Variants in SMAD6 observed in about 807,000 individuals in gnomAD.
SMAD6 encodes the protein MAD homolog 6.
In SMAD6, 103 loss-of-function variants were observed where a neutral mutation model predicts 39.4. The ratio of observed to expected loss-of-function variants is 2.62; its 90% CI spans 2.23 to 3.08. The LOEUF is 3.08. SMAD6 is among the 30% of genes most tolerant of loss of function. The probability of loss-of-function intolerance (pLI) is 0.00; values close to 1 mark genes in which losing one functional copy is unlikely to be tolerated. For synonymous variants in SMAD6, 445 were observed against 353.3 expected (o/e 1.26, Z -2.91); for missense variants, 1,104 against 742.9 (o/e 1.49, Z -5.65).
intron 2 of SMAD6, among the ~76,000 whole-genome samples, chr15:66,713,542 T>A (rs906213525): frequency 7.2e-5 from 11 of 152,202 alleles, no homozygotes; most frequent in Admixed American, 3.9e-4. Flanking sequence ...CTGGTCTCGA[T>A]CTCCTGACCT....
intron 3 of SMAD6, among the ~76,000 whole-genome samples, chr15:66,758,368 C>G (rs1894139643): frequency 1.3e-5 from 2 of 152,130 alleles, no homozygotes; most frequent in Non-Finnish European, 2.9e-5. Context: ...AAAAACAGAA[C>G]AGCATGGCAG....
chr15:66,724,283 G>A (rs937503305), intron 3 of SMAD6, among the ~76,000 whole-genome samples: 1 of 103,456 alleles, frequency 9.7e-6, no homozygotes, highest in Non-Finnish European at 1.9e-5. Flanking sequence ...GGGAGTCATT[G>A]TGGAATGAAT....
At chr15:66,708,485 A>G (rs536774009) in intron 1 of SMAD6, among the ~76,000 whole-genome samples, 1 of 152,360 alleles carries the variant, frequency 6.6e-6, no homozygotes, top group South Asian at 2.1e-4. Context: ...TTGATAGCAC[A>G]TTATTCATAA....
intron 3 of SMAD6, among the ~76,000 whole-genome samples, chr15:66,735,416 A>C (rs952157234): frequency 1.3e-5 from 2 of 152,194 alleles, no homozygotes; most frequent in Non-Finnish European, 2.9e-5. Flanking sequence ...GTAGGGGGAA[A>C]TGATGTGAGG....
chr15:66,719,463 A>G (rs1270046094), intron 3 of SMAD6, among the ~76,000 whole-genome samples: 1 of 151,576 alleles, frequency 6.6e-6, no homozygotes, highest in Non-Finnish European at 1.5e-5. Flanking sequence ...CTGGCCTTCC[A>G]TCTCCCGGAG....
rs200493039 is a variant in SMAD6, at chr15:66,781,094, C to T, written c.1050C>T (p.Tyr350=). ...GCGTGGGCCGCCTCTATGCGGTGTA[C>T]GACCAGGCCGTCAGCATCTTCTACG... ...RTRVGRLYAV[Y]DQAVSIFYDL... is the part of the protein sequence containing the mutation. The change falls in exon 4 of 4, where the codon TAC becomes TAT. Residue 350 remains tyrosine (Y), a synonymous_variant. Coordinates refer to ENST00000288840, the MANE Select transcript of SMAD6 (RefSeq NM_005585.5). 3.1e-6 allele frequency: 5 copies of T among 1,607,894 alleles called. No individual in the cohort carries two copies. The highest frequency in any genetic ancestry group is 2.2e-5 in the South Asian group (2 of 90,798).
intron 3 of SMAD6, among the ~76,000 whole-genome samples, chr15:66,749,983 G>A (rs1027555792): frequency 6.6e-6 from 1 of 152,172 alleles, no homozygotes; most frequent in African/African-American, 2.4e-5. Flanking sequence ...GCGAGGTTTT[G>A]TCCTTCCAGA....
chr15:66,727,576 G>C (rs1052202844), intron 3 of SMAD6, among the ~76,000 whole-genome samples: 1 of 152,202 alleles, frequency 6.6e-6, no homozygotes, highest in Non-Finnish European at 1.5e-5. Flanking sequence ...TTCTGGGAAT[G>C]GGGAGTGATT....
intron 3 of SMAD6, among the ~76,000 whole-genome samples, chr15:66,749,540 C>T (rs1893963824): frequency 6.6e-6 from 1 of 152,042 alleles, no homozygotes; most frequent in Non-Finnish European, 1.5e-5. Flanking sequence ...AAAGTTGAGC[C>T]CGGAAGGTTG....
intron 3 of SMAD6, chr15:66,717,240 G>A (rs1012529158): frequency 2.6e-6 from 2 of 768,588 alleles, no homozygotes; most frequent in South Asian, 2.8e-5. Flanking sequence ...ATGCTGGCTG[G>A]GACTGACAGC....
intron 1 of SMAD6, chr15:66,706,443 GA>G (rs1893112473): frequency 6.6e-6 from 1 of 152,350 alleles, no homozygotes; most frequent in African/African-American, 2.4e-5. Flanking sequence ...GATGGTCCGG[GA>G]AGAGTTTCCA....
At chr15:66,756,615 T>A (rs1208286645) in intron 3 of SMAD6, among the ~76,000 whole-genome samples, 6 of 152,280 alleles carry the variant, frequency 3.9e-5, no homozygotes, top group African/African-American at 1.4e-4. Context: ...TGCCCTCCCC[T>A]CCATCCCACA....
intron 3 of SMAD6, among the ~76,000 whole-genome samples, chr15:66,775,371 T>A (rs1894449458): frequency 6.6e-6 from 1 of 152,142 alleles, no homozygotes; most frequent in Non-Finnish European, 1.5e-5. Context: ...TGTTTATTGG[T>A]TTTCTGTTGA....
At chr15:66,751,084 C>A (rs1346510499) in intron 3 of SMAD6, among the ~76,000 whole-genome samples, 2 of 152,316 alleles carry the variant, frequency 1.3e-5, no homozygotes, top group Middle Eastern at 3.4e-3. Context: ...CAGCAAGCCC[C>A]TGCCTTTTGG....
intron 1 of SMAD6, chr15:66,708,044 C>T (rs1257844191): frequency 6.6e-6 from 1 of 152,370 alleles, no homozygotes; most frequent in African/African-American, 2.4e-5. Context: ...GCACTGGCCC[C>T]TGGCTGACTG....
At chr15:66,709,419 A>C (rs1893184694) in intron 1 of SMAD6, among the ~76,000 whole-genome samples, 1 of 152,206 alleles carries the variant, frequency 6.6e-6, no homozygotes, top group African/African-American at 2.4e-5. Flanking sequence ...TAGCTCTTCC[A>C]GGTGGGACTT....
At position 66,782,146 on chromosome 15, in the gene SMAD6, C is replaced by T. The variant is rs1173558786; in HGVS notation, c.*611C>T. Reference sequence around the variant, plus strand: ...TGAAAAGGGAGGAAAGTCACATTTACTCTTAAGTAAACCAGAGAAAGTTCT... The same window carrying T: ...TGAAAAGGGAGGAAAGTCACATTTATTCTTAAGTAAACCAGAGAAAGTTCT... On this transcript the variant is annotated 3_prime_UTR_variant, in exon 4 of 4. Transcript: ENST00000288840. 7 of 381,866 alleles carry T rather than the reference C, an allele frequency of 1.8e-5. No homozygotes were observed. Among genetic ancestry groups the T allele is most frequent in the Non-Finnish European group, 3.2e-5 (7 of 217,628 alleles). The allele number at this position is 381,866 out of a possible 1,614,324, so 23.7% of individuals were successfully genotyped here. A position where few individuals can be genotyped will look rare whatever the true frequency, so the allele number is the denominator to read the frequency against.
intron 3 of SMAD6, among the ~76,000 whole-genome samples, chr15:66,722,517 G>A (rs1893451658): frequency 3.9e-5 from 3 of 76,580 alleles, no homozygotes; most frequent in Admixed American, 3.4e-4. Flanking sequence ...CAGCCTAGAG[G>A]CAGTGGACAG....
chr15:66,743,576 CT>C (rs5813402), intron 3 of SMAD6, among the ~76,000 whole-genome samples: 47,666 of 149,566 alleles, frequency 0.32, 7,642 homozygotes, highest in East Asian at 0.44. Context: ...TTCCTCTTTC[CT>C]TTTTTTTTTT....
Sources: gnomAD v4.1 joint callset for allele counts (sites outside exome capture counted in the v4.1 genomes callset) on GRCh38, gnomAD v4.1.1 for gene constraint, MANE v1.5 for transcripts, NCBI Gene and HGNC (gene_info 2026-07-23, HGNC 2026-07-21) for gene names.